Variants in SYNE3 observed in about 807,000 individuals in gnomAD.
SYNE3 encodes nesprin-3.
SYNE3 carries 100 observed loss-of-function variants against 111.2 expected under a neutral mutation model. The observed-to-expected ratio is 0.90, with a 90% CI of 0.77 to 1.06. The LOEUF (loss-of-function observed/expected upper bound fraction) is 1.06. SYNE3 is among the 50% of genes least tolerant of loss of function. The pLI is 0.00. For missense variants in SYNE3, 1,160 were observed against 1,240.3 expected (o/e 0.94, Z 0.97); for synonymous variants, 547 against 533.9 (o/e 1.02, Z -0.34).
At position 95,437,024 on chromosome 14, in the gene SYNE3, C is replaced by T. The variant is rs745499387; in HGVS notation, c.2377-43G>A. The stretch of plus-strand genomic sequence containing the variant: ...GCCAAAGCGTCAGAGGTGAAAGAGC[C>T]CCCCTGGCCATGTGTCCTGGGAATT... On this transcript the variant is annotated intron_variant, in intron 14 of 17. Coordinates refer to ENST00000682763, the MANE Select transcript of SYNE3 (RefSeq NM_152592.6). 6.8e-6 allele frequency: 11 copies of T among 1,612,098 alleles called. No individual in the cohort carries two copies. The South Asian group carries it at 7.7e-5, about 11-fold the overall frequency.
chr14:95,464,089 C>T (rs1239929284), intron 4 of SYNE3, among the ~76,000 whole-genome samples: 2 of 152,214 alleles, frequency 1.3e-5, no homozygotes, highest in Non-Finnish European at 2.9e-5. Context: ...TCTAGTTCTG[C>T]TTATCACAGA....
chr14:95,446,132 G>A, intron 8 of SYNE3, 41 bp from the exon 9 acceptor site: 1 of 1,607,832 alleles, frequency 6.2e-7, no homozygotes, highest in South Asian at 1.1e-5. Flanking sequence ...GACCGGGCAG[G>A]ACACAGCTCA....
At chr14:95,423,519 A>G in intron 17 of SYNE3, among the ~76,000 whole-genome samples, 1 of 97,378 alleles carries the variant, frequency 1.0e-5, no homozygotes, top group African/African-American at 4.4e-5. Context: ...TTTGATGGGG[A>G]TGGGGATTTG....
rs1455592733 is a variant in SYNE3, at chr14:95,439,070, A to T, written c.2339T>A (p.Ile780Asn). The change falls in exon 14 of 18, where the codon ATC becomes AAC. Residue 780 changes from isoleucine to asparagine, a missense_variant. By Grantham distance (149) the Ile-to-Asn change is moderately radical. Coordinates refer to ENST00000682763, the MANE Select transcript of SYNE3 (RefSeq NM_152592.6). ...TNNIPKSGFLINPMDPIPRHR... is the reference protein window; with the variant it reads ...TNNIPKSGFLNNPMDPIPRHR... ...CCTGGGAATAGGATCCATGGGATTGATGAGAAATCCTGACTTTGGGATGTT... is the reference window on the plus strand; with the variant it reads ...CCTGGGAATAGGATCCATGGGATTGTTGAGAAATCCTGACTTTGGGATGTT... The T allele has an allele frequency of 2.5e-6, 4 of 1,614,132 alleles. No individual in the cohort carries two copies. In the Admixed American group the frequency reaches 6.7e-5, roughly 27 times the overall value.
At chr14:95,429,599 A>T (rs1196232776) in intron 17 of SYNE3, among the ~76,000 whole-genome samples, 3 of 152,210 alleles carry the variant, frequency 2.0e-5, no homozygotes, top group Non-Finnish European at 4.4e-5. Flanking sequence ...ACTTCTTCAC[A>T]GTGGGCTGAG....
chr14:95,514,782 G>A (rs1294305012), intron 1 of SYNE3, among the ~76,000 whole-genome samples: 1 of 152,246 alleles, frequency 6.6e-6, no homozygotes, highest in East Asian at 1.9e-4. Flanking sequence ...TAGCTGCCCA[G>A]TGGGTTCCCA....
At chr14:95,426,620 C>T (rs914000376) in intron 17 of SYNE3, among the ~76,000 whole-genome samples, 2 of 151,898 alleles carry the variant, frequency 1.3e-5, no homozygotes, top group African/African-American at 4.8e-5. Context: ...GGCAAGCCAC[C>T]CAGGTGCCGA....
At chr14:95,460,657 GC>G (rs1432695306) in intron 4 of SYNE3, among the ~76,000 whole-genome samples, 1 of 152,124 alleles carries the variant, frequency 6.6e-6, no homozygotes, top group African/African-American at 2.4e-5. Context: ...CATGCTTCCC[GC>G]CTGCAGCCCT....
chr14:95,463,626 C>A (rs559515316), intron 4 of SYNE3, among the ~76,000 whole-genome samples: 5 of 152,348 alleles, frequency 3.3e-5, no homozygotes, highest in African/African-American at 1.2e-4. Flanking sequence ...TGAAGCCTGC[C>A]CATGCCACAC....
intron 17 of SYNE3, among the ~76,000 whole-genome samples, chr14:95,423,069 C>T (rs755267544): frequency 1.8e-4 from 27 of 152,338 alleles, no homozygotes; most frequent in Non-Finnish European, 3.1e-4. Context: ...CACGTGGACA[C>T]GATGGCAGTG....
chr14:95,460,840 G>T (rs1458753506), intron 4 of SYNE3, among the ~76,000 whole-genome samples: 5 of 152,234 alleles, frequency 3.3e-5, no homozygotes, highest in Non-Finnish European at 7.3e-5. Flanking sequence ...GCCCCTGGCC[G>T]CGCTGATGGT....
At chr14:95,450,169 G>C (rs1401949224) in intron 7 of SYNE3, 64 bp from the exon 8 acceptor site, 3 of 1,512,624 alleles carry the variant, frequency 2.0e-6, no homozygotes, top group Non-Finnish European at 2.7e-6. Flanking sequence ...CAGGGATGAG[G>C]CCTCCGCCAA....
In SYNE3 at chr14:95,420,711, A is replaced by AAC. The variant is rs1009627085; in HGVS notation, c.2728-2687_2728-2686dup. Among the ~76,000 whole-genome samples, 1,444 of 150,772 alleles carry AAC rather than the reference A, an allele frequency of 9.6e-3. 22 individuals are homozygous for AAC. Among genetic ancestry groups the AAC allele is most frequent in the African/African-American group, 0.031 (1,270 of 40,828 alleles). The stretch of plus-strand genomic sequence containing the variant: ...AATATGTTTCCCAAATGCTTAGGAA[A>AAC]ACACACACACACACACATACACACA... On this transcript the variant is annotated intron_variant, in intron 17 of 17. Transcript: ENST00000682763.
chr14:95,478,837 C>T (rs931224126), intron 1 of SYNE3, among the ~76,000 whole-genome samples: 3 of 152,260 alleles, frequency 2.0e-5, no homozygotes, highest in South Asian at 2.1e-4. Flanking sequence ...TATAGGCTGT[C>T]GTGAGCCATC....
intron 17 of SYNE3, among the ~76,000 whole-genome samples, chr14:95,425,057 T>C (rs576049903): frequency 5.5e-4 from 84 of 152,166 alleles, no homozygotes; most frequent in African/African-American, 1.9e-3. Flanking sequence ...CTGGCCAACA[T>C]GGTGAAACCC....
At chr14:95,440,119 C>A in intron 11 of SYNE3, 44 bp from the exon 12 acceptor site, 1 of 1,546,406 alleles carries the variant, frequency 6.5e-7, no homozygotes, top group Middle Eastern at 2.2e-4. Context: ...GAGTGCTGGC[C>A]GAGGGGGAGA....
chr14:95,438,811 G>A (rs1188554986), intron 14 of SYNE3: 1 of 550,866 alleles, frequency 1.8e-6, no homozygotes, highest in Non-Finnish European at 3.2e-6. Context: ...CTGCCCTGGT[G>A]GCCTGGCTCT....
intron 17 of SYNE3, chr14:95,429,913 G>A (rs1288243320): frequency 3.1e-6 from 3 of 977,956 alleles, no homozygotes; most frequent in Non-Finnish European, 3.6e-6. Flanking sequence ...AGGATGTACA[G>A]TCTACAGGAC....
rs150752116 is a variant in SYNE3 at position 95,417,888 on chromosome 14, C to A, written c.2866G>T (p.Ala956Ser). Residue 956 changes from alanine to serine, a missense_variant, in exon 18 of 18, where the codon GCC becomes TCC. Physicochemically the swap from Ala to Ser is moderately conservative, Grantham distance 99. Coordinates refer to ENST00000682763, the MANE Select transcript of SYNE3 (RefSeq NM_152592.6). ...IREEDRSCTL[A>S]NNFARSFTLM... ...GTGAAGGAGCGGGCGAAGTTGTTGG[C>A]CAGGGTGCAGCTGCGGTCCTCTTCC... is the stretch of plus-strand genomic sequence containing the variant. The A allele has an allele frequency of 7.8e-4, 1,267 of 1,614,072 alleles. No individual in the cohort carries two copies. Among genetic ancestry groups the A allele is most frequent in the Non-Finnish European group, 1.0e-3 (1,194 of 1,180,042 alleles).
Sources: allele counts gnomAD v4.1 joint callset (sites outside exome capture counted in the v4.1 genomes callset), GRCh38; gene constraint gnomAD v4.1.1; transcripts MANE v1.5; gene names NCBI Gene and HGNC (gene_info 2026-07-23, HGNC 2026-07-21).